Variants in PIP5K1B observed in about 807,000 individuals in gnomAD.
The protein encoded by PIP5K1B is phosphatidylinositol 4-phosphate 5-kinase type-1 beta.
In PIP5K1B, 42 loss-of-function variants were observed where a neutral mutation model predicts 67.0. That is an observed-to-expected ratio of 0.63 (90% confidence interval 0.49 to 0.81). The LOEUF (loss-of-function observed/expected upper bound fraction) is 0.81, where lower values mean the gene tolerates loss of function less well. Ranked by LOEUF, PIP5K1B falls within the 30% of genes least tolerant of loss-of-function variation. PIP5K1B has a pLI of 0.00. For missense variants in PIP5K1B, 459 were observed against 646.3 expected (o/e 0.71, Z 3.14); for synonymous variants, 214 against 231.4 (o/e 0.92, Z 0.68).
chr9:68,961,398 C>T (rs1353147475), intron 14 of PIP5K1B, among the ~76,000 whole-genome samples: 2 of 152,078 alleles, frequency 1.3e-5, no homozygotes, highest in Non-Finnish European at 2.9e-5. Context: ...CTGAATATAC[C>T]AAAAGCCATT....
At chr9:68,730,019 A>T (rs2132285825) in intron 1 of PIP5K1B, among the ~76,000 whole-genome samples, 1 of 152,290 alleles carries the variant, frequency 6.6e-6, no homozygotes, top group East Asian at 1.9e-4. Flanking sequence ...GGAAATGATT[A>T]AACAAACCAT....
intron 8 of PIP5K1B, among the ~76,000 whole-genome samples, chr9:68,904,195 T>C (rs1261891757): frequency 1.3e-5 from 2 of 152,246 alleles, no homozygotes; most frequent in Non-Finnish European, 2.9e-5. Context: ...CTTTCATCAT[T>C]ACACTCTCCT....
intron 1 of PIP5K1B, among the ~76,000 whole-genome samples, chr9:68,708,861 T>C (rs147375976): frequency 2.0e-5 from 3 of 152,336 alleles, no homozygotes; most frequent in East Asian, 3.9e-4. Context: ...TTAAATATTA[T>C]TAATGGATCT....
intron 15 of PIP5K1B, among the ~76,000 whole-genome samples, chr9:69,002,312 G>T (rs967756987): frequency 6.6e-6 from 1 of 152,214 alleles, no homozygotes; most frequent in African/African-American, 2.4e-5. Context: ...CTAATGCTGC[G>T]TCCAAATATA....
At chr9:68,800,436 G>A (rs1176700898) in intron 2 of PIP5K1B, among the ~76,000 whole-genome samples, 2 of 152,198 alleles carry the variant, frequency 1.3e-5, no homozygotes, top group East Asian at 1.9e-4. Context: ...GTGGCATGGG[G>A]AAGAAACATG....
intron 7 of PIP5K1B, among the ~76,000 whole-genome samples, chr9:68,892,103 T>C (rs771673737): frequency 6.6e-6 from 1 of 152,176 alleles, no homozygotes; most frequent in Admixed American, 6.5e-5. Flanking sequence ...AGATCTGAAA[T>C]AATGAAGAAA....
intron 2 of PIP5K1B, among the ~76,000 whole-genome samples, chr9:68,753,940 G>A (rs1829776071): frequency 1.3e-5 from 2 of 152,056 alleles, no homozygotes; most frequent in South Asian, 4.1e-4. Context: ...GATTACAGGC[G>A]TGAGCTACCA....
At chr9:68,862,116 T>C (rs1823119291) in intron 4 of PIP5K1B, among the ~76,000 whole-genome samples, 1 of 152,186 alleles carries the variant, frequency 6.6e-6, no homozygotes, top group South Asian at 2.1e-4. Flanking sequence ...GATGAAATGA[T>C]GCCCCTATGA....
chr9:68,830,808 A>T (rs1834274214), intron 4 of PIP5K1B, among the ~76,000 whole-genome samples: 1 of 152,150 alleles, frequency 6.6e-6, no homozygotes, highest in Non-Finnish European at 1.5e-5. Context: ...CTCAGGGCAC[A>T]ACGATGCTTT....
intron 12 of PIP5K1B, among the ~76,000 whole-genome samples, chr9:68,931,906 G>A (rs1827023623): frequency 6.6e-6 from 1 of 152,204 alleles, no homozygotes; most frequent in Admixed American, 6.5e-5. Context: ...AAGAGATCCT[G>A]AGAATTAAAT....
chr9:68,919,433 T>G lies in PIP5K1B; in HGVS notation c.984-46T>G, dbSNP rs192289263. 3.2e-6 allele frequency: 3 copies of G among 928,780 alleles called. No individual in the cohort carries two copies. In the African/African-American group the frequency reaches 5.1e-5, roughly 16 times the overall value. 57.5% of individuals were successfully genotyped at this position (928,780 alleles called of 1,614,324 possible). A position where few individuals can be genotyped will look rare whatever the true frequency, so the allele number is the denominator to read the frequency against. ...TAGAAATGATTTTTTAACTTCCTAT[T>G]CTTATAATATGTAATCAAATATTTT... On this transcript the variant is annotated intron_variant, in intron 9 of 15. Transcript: ENST00000265382.
chr9:68,982,468 T>C (rs989119929), intron 14 of PIP5K1B, among the ~76,000 whole-genome samples: 4 of 152,280 alleles, frequency 2.6e-5, no homozygotes, highest in African/African-American at 9.6e-5. Flanking sequence ...TTTAAATGTA[T>C]ATTACTGGCC....
chr9:68,889,080 G>C lies in PIP5K1B; in HGVS notation c.418G>C (p.Val140Leu), dbSNP rs201468561. Residue 140 changes from valine to leucine, a missense_variant, in exon 7 of 16, where the codon GTT (valine) becomes CTT (leucine). Around this residue, in one of 2 missense-constraint regions of PIP5K1B, gnomAD observed 290 missense variants for 474.4 expected, o/e 0.61. Coordinates refer to ENST00000265382, the MANE Select transcript of PIP5K1B (RefSeq NM_003558.4). ...TSDDEFIIKT[V>L]QHKEAEFLQK... ...TGATGATGAATTTATCATCAAAACAGTTCAGCACAAAGAAGCTGAGTTTCT... is the reference window on the plus strand; with the variant it reads ...TGATGATGAATTTATCATCAAAACACTTCAGCACAAAGAAGCTGAGTTTCT... 4.3e-6 allele frequency: 7 copies of C among 1,613,498 alleles called. No homozygotes were observed. In the East Asian group the frequency reaches 1.6e-4, roughly 36 times the overall value.
At chr9:68,748,613 CTTTTT>C (rs58954806) in intron 2 of PIP5K1B, among the ~76,000 whole-genome samples, 1 of 98,302 alleles carries the variant, frequency 1.0e-5, no homozygotes, top group Non-Finnish European at 2.0e-5. Flanking sequence ...GATTTCTTTT[CTTTTT>C]TTTTTTTTTT....
At chr9:68,844,775 C>G (rs940332009) in intron 4 of PIP5K1B, among the ~76,000 whole-genome samples, 1 of 152,246 alleles carries the variant, frequency 6.6e-6, no homozygotes, top group Non-Finnish European at 1.5e-5. Context: ...CCAGCTGGTA[C>G]TCCTGGAAAT....
chr9:68,751,927 A>G (rs889953152), intron 2 of PIP5K1B, among the ~76,000 whole-genome samples: 2 of 152,252 alleles, frequency 1.3e-5, no homozygotes, highest in African/African-American at 4.8e-5. Flanking sequence ...TGACAGTGCT[A>G]GACCTCAAGC....
chr9:68,978,001 G>T (rs1444156724), intron 14 of PIP5K1B, among the ~76,000 whole-genome samples: 1 of 152,026 alleles, frequency 6.6e-6, no homozygotes, highest in Admixed American at 6.6e-5. Flanking sequence ...ACTTTTGGGG[G>T]TTTTTAGGGT....
intron 5 of PIP5K1B, among the ~76,000 whole-genome samples, chr9:68,867,381 G>A (rs750791468): frequency 3.3e-5 from 5 of 152,222 alleles, no homozygotes; most frequent in African/African-American, 7.2e-5. Context: ...ACAGTAAACA[G>A]AAGAAACTTA....
At chr9:68,833,846 G>C (rs1017903349) in intron 4 of PIP5K1B, among the ~76,000 whole-genome samples, 3 of 152,164 alleles carry the variant, frequency 2.0e-5, no homozygotes, top group Admixed American at 1.3e-4. Flanking sequence ...TGAATGGTAG[G>C]GGGGAAACAA....
Sources: allele counts gnomAD v4.1 joint callset (sites outside exome capture counted in the v4.1 genomes callset), GRCh38; gene constraint gnomAD v4.1.1; regional missense constraint gnomAD v4.1.1; transcripts MANE v1.5; gene names NCBI Gene and HGNC (gene_info 2026-07-23, HGNC 2026-07-21).